The following NCAM1 variants were observed in gnomAD, a reference collection of about 807,000 sequenced individuals.
The protein encoded by NCAM1 is neural cell adhesion molecule 1.
A neutral mutation model predicts 109.8 loss-of-function variants in NCAM1; 14 were observed. That is an observed-to-expected ratio of 0.13 (90% CI 0.08 to 0.20). The LOEUF is 0.20. NCAM1 is among the 10% of genes least tolerant of loss of function. The pLI is 1.00. For synonymous variants in NCAM1, 418 were observed against 442.9 expected (o/e 0.94, Z 0.70); for missense variants, 774 against 1,109.9 (o/e 0.70, Z 4.30).
chr11:113,102,035 T>A (rs1939899368), intron 1 of NCAM1, among the ~76,000 whole-genome samples: 1 of 152,228 alleles, frequency 6.6e-6, no homozygotes, highest in Non-Finnish European at 1.5e-5. Context: ...GGTTAATACC[T>A]GATTAACAAA....
At chr11:112,980,832 A>G (rs1207663326) in intron 1 of NCAM1, among the ~76,000 whole-genome samples, 1 of 151,850 alleles carries the variant, frequency 6.6e-6, no homozygotes, top group Non-Finnish European at 1.5e-5. Flanking sequence ...TGGGTATTAT[A>G]TCTTCATGAG....
intron 1 of NCAM1, among the ~76,000 whole-genome samples, chr11:113,002,189 T>A (rs782335635): frequency 1.3e-5 from 2 of 152,188 alleles, no homozygotes; most frequent in Non-Finnish European, 2.9e-5. Flanking sequence ...GGGGAGCAGT[T>A]GTTTCCTCAG....
chr11:113,093,417 T>C (rs10891503), intron 1 of NCAM1, among the ~76,000 whole-genome samples: 31,442 of 152,028 alleles, frequency 0.21, 3,505 homozygotes, highest in East Asian at 0.48. Context: ...CCAATTGGAA[T>C]GGGAGACTTT....
intron 1 of NCAM1, among the ~76,000 whole-genome samples, chr11:113,085,917 C>T (rs1270177108): frequency 6.6e-6 from 1 of 152,182 alleles, no homozygotes; most frequent in African/African-American, 2.4e-5. Flanking sequence ...TTATGCCAAC[C>T]TCCCTAATTA....
At chr11:113,184,022 G>C (rs1459811196) in intron 1 of NCAM1, among the ~76,000 whole-genome samples, 1 of 152,326 alleles carries the variant, frequency 6.6e-6, no homozygotes, top group African/African-American at 2.4e-5. Flanking sequence ...CCAATGGAAA[G>C]GGCATCTGCA....
chr11:113,028,267 A>G (rs1326013032), intron 1 of NCAM1, among the ~76,000 whole-genome samples: 1 of 152,174 alleles, frequency 6.6e-6, no homozygotes, highest in Non-Finnish European at 1.5e-5. Context: ...CAACGTATAC[A>G]TGTACCGGAA....
chr11:112,961,759 G>A (rs1950569297), intron 1 of NCAM1, 95 bp downstream of exon 1: 6 of 802,470 alleles, frequency 7.5e-6, no homozygotes, highest in Non-Finnish European at 1.2e-5. Context: ...GTGGTTTTAC[G>A]TGGACTGCTA....
chr11:112,976,876 A>G (rs1423040145), intron 1 of NCAM1, among the ~76,000 whole-genome samples: 2 of 151,880 alleles, frequency 1.3e-5, no homozygotes, highest in Non-Finnish European at 2.9e-5. Flanking sequence ...ATCGAGTTGC[A>G]TTTTGGTGTT....
intron 1 of NCAM1, among the ~76,000 whole-genome samples, chr11:113,014,988 C>T (rs1372589023): frequency 1.3e-5 from 2 of 152,326 alleles, no homozygotes; most frequent in South Asian, 2.1e-4. Flanking sequence ...TGTGCTGCCG[C>T]CAGCTGGCTT....
rs377299383 is a variant in NCAM1, at chr11:113,251,416, A to G, written c.1829-4461A>G. Among the ~76,000 whole-genome samples, 7 of 152,154 alleles carry G rather than the reference A, an allele frequency of 4.6e-5. No homozygotes were observed. The East Asian group carries it at 9.6e-4, about 21-fold the overall frequency. On this transcript the variant is annotated intron_variant, in intron 15 of 19. Coordinates refer to ENST00000316851, the MANE Select transcript of NCAM1 (RefSeq NM_181351.5). ...GCAATCGGCATGGCCAGAAATATAC[A>G]TTTCAATTATGGTTTCTAAGGGAGA...
chr11:113,109,347 C>CAAAAAAAAAAAA (rs369724829), intron 1 of NCAM1, among the ~76,000 whole-genome samples: 5 of 89,226 alleles, frequency 5.6e-5, no homozygotes, highest in Non-Finnish European at 2.3e-5. Flanking sequence ...GACTCTGTCT[C>CAAAAAAAAAAAA]AAAAAAAAGA....
rs139168823 is a variant in NCAM1 at position 113,100,853 on chromosome 11, G to A, written c.53-101526G>A. 5.8e-3 allele frequency among the ~76,000 whole-genome samples: 890 copies of A among 152,284 alleles called. 3 individuals carry two copies. The highest frequency in any genetic ancestry group is 9.9e-3 in the Non-Finnish European group (671 of 68,018). ...CCAGGCTTGTGAGTGGGGCTTTTGC[G>A]AAGGAACTGCCCTCTTCTGCCCAAT... On this transcript the variant is annotated intron_variant, in intron 1 of 19. Transcript: ENST00000316851.
At chr11:113,031,361 G>A (rs1279426147) in intron 1 of NCAM1, among the ~76,000 whole-genome samples, 3 of 152,052 alleles carry the variant, frequency 2.0e-5, no homozygotes, top group East Asian at 1.9e-4. Context: ...CGACATCACC[G>A]TCAAAAGCAC....
chr11:113,157,454 C>G (rs1254448049), intron 1 of NCAM1, among the ~76,000 whole-genome samples: 4 of 152,132 alleles, frequency 2.6e-5, no homozygotes, highest in Non-Finnish European at 5.9e-5. Context: ...TTTTTTCCTA[C>G]TTTCTTGGTA....
At chr11:113,229,892 T>G (rs567877251) in intron 9 of NCAM1, among the ~76,000 whole-genome samples, 77 of 151,964 alleles carry the variant, frequency 5.1e-4, no homozygotes, top group African/African-American at 1.7e-3. Context: ...ATGAGAACAC[T>G]TGGACACAGA....
intron 4 of NCAM1, 115 bp downstream of exon 4, chr11:113,205,781 T>G: frequency 7.2e-7 from 1 of 1,397,140 alleles, no homozygotes; most frequent in Non-Finnish European, 9.8e-7. Context: ...GCCCGAACCC[T>G]CATGTGGTTT....
At chr11:113,027,429 T>C (rs1010634152) in intron 1 of NCAM1, among the ~76,000 whole-genome samples, 29 of 152,226 alleles carry the variant, frequency 1.9e-4, no homozygotes, top group Admixed American at 1.7e-3. Context: ...TATAGTATGA[T>C]GAGTCTCAGT....
At chr11:112,996,607 A>G (rs1951603291) in intron 1 of NCAM1, among the ~76,000 whole-genome samples, 1 of 152,200 alleles carries the variant, frequency 6.6e-6, no homozygotes, top group African/African-American at 2.4e-5. Context: ...TATCAGGTCT[A>G]ATGTTGCATA....
intron 1 of NCAM1, among the ~76,000 whole-genome samples, chr11:113,115,774 A>C (rs541173857): frequency 6.6e-6 from 1 of 152,228 alleles, no homozygotes; most frequent in Non-Finnish European, 1.5e-5. Context: ...TTGAAAACAG[A>C]TAACAGTTAC....
Sources: allele counts gnomAD v4.1 joint callset (sites outside exome capture counted in the v4.1 genomes callset), GRCh38; gene constraint gnomAD v4.1.1; transcripts MANE v1.5; gene names NCBI Gene and HGNC (gene_info 2026-07-23, HGNC 2026-07-21).